The following POLD2 variants were observed in gnomAD, a reference collection of about 807,000 sequenced individuals.
POLD2 encodes DNA polymerase delta 2, accessory subunit.
A neutral mutation model predicts 48.8 loss-of-function variants in POLD2; 31 were observed. That is an observed-to-expected ratio of 0.64 (90% CI 0.48 to 0.86). The LOEUF (loss-of-function observed/expected upper bound fraction) is 0.86, where lower values mean the gene tolerates loss of function less well. Among genes scored for constraint, POLD2 ranks in the 40% least tolerant of loss-of-function variants. The probability of loss-of-function intolerance (pLI) is 0.00; values close to 1 mark genes in which losing one functional copy is unlikely to be tolerated. For synonymous variants in POLD2, 233 were observed against 256.3 expected (o/e 0.91, Z 0.87); for missense variants, 455 against 610.1 (o/e 0.75, Z 2.68).
At chr7:44,122,824 A>T (rs2128813163) in intron 1 of POLD2, 1 of 152,412 alleles carries the variant, frequency 6.6e-6, no homozygotes, top group East Asian at 1.9e-4. Context: ...TGCCCTGCCC[A>T]TCTGATTTAC....
chr7:44,117,718 G>A lies in POLD2; in HGVS notation c.367C>T (p.Arg123Trp), dbSNP rs778661684. 5.6e-6 allele frequency: 9 copies of A among 1,613,670 alleles called. No individual in the cohort carries two copies. The highest frequency in any genetic ancestry group is 2.2e-5 in the East Asian group (1 of 44,876). The part of the protein sequence containing the change: ...EEHNLLPQPP[R>W]SKYIHPDDEL... ...TCATCTGGGTGTATGTATTTACTCCGAGGAGGCTGGGGGAGCAGGTTGTGC... is the reference window on the plus strand; with the variant it reads ...TCATCTGGGTGTATGTATTTACTCCAAGGAGGCTGGGGGAGCAGGTTGTGC... The change falls in exon 4 of 11, where the codon CGG becomes TGG. Residue 123 changes from arginine to tryptophan, a missense_variant. By Grantham distance (101) the Arg-to-Trp change is moderately radical. Around this residue, in one of 3 missense-constraint regions of POLD2, gnomAD observed 349 missense variants for 437.4 expected, o/e 0.80. Transcript: ENST00000610533.
intron 1 of POLD2, among the ~76,000 whole-genome samples, chr7:44,122,652 G>C (rs916963056): frequency 6.6e-6 from 1 of 152,062 alleles, no homozygotes; most frequent in South Asian, 2.1e-4. Flanking sequence ...TATGAGATCT[G>C]CTCCACTGGT....
intron 1 of POLD2, 42 bp downstream of exon 1, chr7:44,123,469 C>A: frequency 6.7e-7 from 1 of 1,496,538 alleles, no homozygotes; most frequent in East Asian, 2.8e-5. Context: ...CGGCCTGGAA[C>A]TGCCACCCCC....
chr7:44,117,950 C>A lies in POLD2; in HGVS notation c.335G>T (p.Ser112Ile), dbSNP rs1182695806. The A allele has an allele frequency of 1.9e-6, 3 of 1,614,018 alleles. No individual in the cohort carries two copies. The highest frequency in any genetic ancestry group is 2.5e-6 in the Non-Finnish European group (3 of 1,179,968). ...TGTAGCACCCTGCCTCACCTCCTCG[C>A]TGACCTCCCGCAGGATGGAGGGCTG... ...PLQPSILREVSEEHNLLPQPP... is the reference protein window; with the variant it reads ...PLQPSILREVIEEHNLLPQPP... Residue 112 changes from serine (S) to isoleucine (I), a missense_variant, in exon 3 of 11, where the codon AGC becomes ATC. Physicochemically the swap from Ser to Ile is moderately radical, Grantham distance 142. This residue lies in a region of POLD2 where 349 missense variants were observed against 437.4 expected (regional missense o/e 0.80). Coordinates refer to ENST00000610533, the MANE Select transcript of POLD2 (RefSeq NM_006230.4).
chr7:44,118,233 TGA>T, intron 2 of POLD2, 169 bp from the exon 3 acceptor site: 1 of 697,566 alleles, frequency 1.4e-6, no homozygotes, highest in Non-Finnish European at 2.3e-6. Context: ...CAGTAAAAAG[TGA>T]GTCAGCCACA....
chr7:44,115,437 GCACT>G, intron 9 of POLD2, 41 bp from the exon 10 acceptor site: 6 of 1,223,712 alleles, frequency 4.9e-6, no homozygotes, highest in Non-Finnish European at 6.1e-6. Context: ...TTCCGCCTCA[GCACT>G]AGCACTCTGC....
intron 1 of POLD2, 89 bp downstream of exon 1, chr7:44,123,422 C>A: frequency 6.8e-7 from 1 of 1,470,318 alleles, no homozygotes; most frequent in Non-Finnish European, 8.9e-7. Flanking sequence ...GGACGTCCGC[C>A]AAGACACCAG....
chr7:44,123,389 C>G (rs999004924), intron 1 of POLD2, 122 bp downstream of exon 1: 88 of 1,426,152 alleles, frequency 6.2e-5, no homozygotes, highest in Middle Eastern at 2.5e-4. Flanking sequence ...GGTGCCCCGG[C>G]TCGGATCCAC....
intron 2 of POLD2, among the ~76,000 whole-genome samples, chr7:44,118,970 T>C (rs1280520885): frequency 3.3e-5 from 5 of 152,082 alleles, no homozygotes; most frequent in African/African-American, 1.2e-4. Flanking sequence ...GTCCCACAAA[T>C]AACTGCCATT....
At chr7:44,122,245 C>T in intron 1 of POLD2, 136 bp from the exon 2 acceptor site, 1 of 1,425,184 alleles carries the variant, frequency 7.0e-7, no homozygotes, top group Non-Finnish European at 9.1e-7. Flanking sequence ...ATTGTGTCCA[C>T]TTGGAAATTT....
At position 44,116,885 on chromosome 7, in the gene POLD2, C is replaced by T. The variant is rs149552381; in HGVS notation, c.712G>A (p.Val238Ile). The T allele has an allele frequency of 6.4e-4, 1,030 of 1,613,980 alleles. 1 individual carries two copies. The highest frequency in any genetic ancestry group is 8.5e-4 in the Non-Finnish European group (998 of 1,180,004). Residue 238 changes from valine (V) to isoleucine (I), a missense_variant, in exon 6 of 11, where the codon GTC (valine) becomes ATC (isoleucine). Val to Ile is a conservative substitution (Grantham distance 29). This residue lies in a region of POLD2 where 349 missense variants were observed against 437.4 expected (regional missense o/e 0.80). Coordinates refer to ENST00000610533, the MANE Select transcript of POLD2 (RefSeq NM_006230.4). This position sits in a 1 kb window ranked among gnomAD's most constrained non-coding sequence, Gnocchi z 6.1. The stretch of plus-strand genomic sequence containing the variant: ...TTGCCAGCGAGGATAACCCGGGAGA[C>T]GTGGGCGGCGCTGCACTGCTCCCCT... ...DEGEQCSAAH[V>I]SRVILAGNLL...
chr7:44,118,067 G>T lies in POLD2; in HGVS notation c.221-3C>A. Reference sequence around the variant, plus strand: ...CTTCTTCACTCCCACTCCACTGCCTGGGACACGAGGGGTACAGACTCAGAG... The same window carrying T: ...CTTCTTCACTCCCACTCCACTGCCTTGGACACGAGGGGTACAGACTCAGAG... On this transcript the variant is annotated splice_region_variant and splice_polypyrimidine_tract_variant and intron_variant, in intron 2 of 10. Coordinates refer to ENST00000610533, the MANE Select transcript of POLD2 (RefSeq NM_006230.4). 1 of 1,613,968 alleles carries T rather than the reference G, an allele frequency of 6.2e-7. No homozygotes were observed.
chr7:44,118,461 G>A (rs2096243768), intron 2 of POLD2, among the ~76,000 whole-genome samples: 1 of 152,210 alleles, frequency 6.6e-6, no homozygotes, highest in East Asian at 1.9e-4. Flanking sequence ...TCAACTTCTG[G>A]CCTCCAGAAC....
chr7:44,123,582 C>A, upstream of POLD2: 1 of 1,456,600 alleles, frequency 6.9e-7, no homozygotes. Context: ...CTAATCCCCG[C>A]GCGGCTTCCC....
At chr7:44,119,692 G>T (rs1356816195) in intron 2 of POLD2, among the ~76,000 whole-genome samples, 1 of 152,232 alleles carries the variant, frequency 6.6e-6, no homozygotes, top group African/African-American at 2.4e-5. Context: ...TGACATCCCT[G>T]TAACCGATAG....
At position 44,117,708 on chromosome 7, in the gene POLD2, T is replaced by C; in HGVS notation, c.377A>G (p.Tyr126Cys). The part of the protein sequence containing the change: ...NLLPQPPRSK[Y>C]IHPDDELVLE... Reference sequence around the variant, plus strand: ...GACCAGCTCGTCATCTGGGTGTATGTATTTACTCCGAGGAGGCTGGGGGAG... The same window carrying C: ...GACCAGCTCGTCATCTGGGTGTATGCATTTACTCCGAGGAGGCTGGGGGAG... The change falls in exon 4 of 11, where the codon TAC (tyrosine) becomes TGC (cysteine). Residue 126 changes from tyrosine to cysteine, a missense_variant. Physicochemically the swap from Tyr to Cys is radical, Grantham distance 194. Coordinates refer to ENST00000610533, the MANE Select transcript of POLD2 (RefSeq NM_006230.4). 1 of 1,613,602 alleles carries C rather than the reference T, an allele frequency of 6.2e-7. No individual in the cohort carries two copies. The highest frequency in any genetic ancestry group is 8.5e-7 in the Non-Finnish European group (1 of 1,179,828).
intron 9 of POLD2, 123 bp downstream of exon 9, chr7:44,115,643 T>C: frequency 1.7e-6 from 2 of 1,144,226 alleles, no homozygotes; most frequent in East Asian, 2.5e-5. Context: ...GCCTCTGAAC[T>C]TCTCCTCAGA....
At chr7:44,119,033 C>CA (rs2096244858) in intron 2 of POLD2, among the ~76,000 whole-genome samples, 1 of 149,792 alleles carries the variant, frequency 6.7e-6, no homozygotes, top group Non-Finnish European at 1.5e-5. Context: ...CAACCCCCAC[C>CA]AAATGCTTCA....
intron 4 of POLD2, 102 bp downstream of exon 4, chr7:44,117,517 C>T: frequency 5.6e-6 from 8 of 1,437,100 alleles, no homozygotes; most frequent in South Asian, 1.3e-5. Context: ...GCCCAGGCCA[C>T]ACCCCCCCAC....
Sources: gnomAD v4.1 joint callset for allele counts (sites outside exome capture counted in the v4.1 genomes callset) on GRCh38, gnomAD v4.1.1 for gene constraint, gnomAD v4.1.1 regional missense constraint, Gnocchi (gnomAD v3.1) non-coding constraint, MANE v1.5 for transcripts, NCBI Gene and HGNC (gene_info 2026-07-23, HGNC 2026-07-21) for gene names.